IFT80: variants seen among roughly 807,000 people sequenced by gnomAD.
IFT80 encodes intraflagellar transport protein 80 homolog.
IFT80 carries 79 observed loss-of-function variants against 107.9 expected under a neutral mutation model. The observed-to-expected ratio is 0.73, with a 90% confidence interval of 0.61 to 0.88. IFT80 has a LOEUF of 0.88. Among genes scored for constraint, IFT80 ranks in the 40% least tolerant of loss-of-function variants. The pLI is 0.00. For missense variants in IFT80, 797 were observed against 914.2 expected, an observed-to-expected ratio of 0.87 and a Z score of 1.65; for synonymous variants, 299 against 300.9, an observed-to-expected ratio of 0.99 and a Z score of 0.07.
chr3:160,277,535 G>T (rs373292863), intron 17 of IFT80, 46 bp downstream of exon 17: 1 of 1,575,058 alleles, frequency 6.3e-7, no homozygotes, highest in African/African-American at 1.3e-5. Flanking sequence ...AATAAATTAC[G>T]CTAAGAAAAA....
intron 8 of IFT80, chr3:160,342,862 C>CAGG (rs1720017382): frequency 3.3e-5 from 5 of 152,408 alleles, no homozygotes; most frequent in Admixed American, 2.0e-4. Flanking sequence ...ATAGTGACTC[C>CAGG]TGGTGGCAAA....
intron 8 of IFT80, among the ~76,000 whole-genome samples, chr3:160,327,230 C>T (rs1053514989): frequency 9.2e-5 from 14 of 152,150 alleles, no homozygotes; most frequent in Middle Eastern, 6.8e-3. Flanking sequence ...GAATCAATAT[C>T]GTGAAAATGA....
chr3:160,398,220 AAATTCTTAC>A (rs1336551893), intron 1 of IFT80, among the ~76,000 whole-genome samples: 1 of 152,206 alleles, frequency 6.6e-6, no homozygotes, highest in African/African-American at 2.4e-5. Flanking sequence ...CAACCTCACC[AAATTCTTAC>A]AATTGGTTGG....
chr3:160,374,366 G>A (rs540978689), intron 5 of IFT80, among the ~76,000 whole-genome samples: 24 of 150,894 alleles, frequency 1.6e-4, no homozygotes, highest in Admixed American at 6.0e-4. Flanking sequence ...CCAAGATGGT[G>A]CCACTGTACT....
At chr3:160,378,911 T>C (rs768844227) in intron 3 of IFT80, among the ~76,000 whole-genome samples, 2 of 152,070 alleles carry the variant, frequency 1.3e-5, no homozygotes, top group Non-Finnish European at 2.9e-5. Flanking sequence ...ATCTTAGTAA[T>C]AAATGACTCA....
intron 3 of IFT80, among the ~76,000 whole-genome samples, chr3:160,379,343 A>C (rs1297595317): frequency 6.6e-6 from 1 of 152,242 alleles, no homozygotes; most frequent in Non-Finnish European, 1.5e-5. Context: ...CAGCAAAAAT[A>C]AACTTCTATG....
intron 12 of IFT80, among the ~76,000 whole-genome samples, chr3:160,288,160 T>C (rs368085331): frequency 6.6e-6 from 1 of 152,012 alleles, no homozygotes; most frequent in African/African-American, 2.4e-5. Flanking sequence ...CTGGCTACGA[T>C]GTCTCTACTA....
intron 13 of IFT80, among the ~76,000 whole-genome samples, chr3:160,285,327 T>C (rs1278361373): frequency 6.6e-6 from 1 of 152,248 alleles, no homozygotes; most frequent in Non-Finnish European, 1.5e-5. Flanking sequence ...TGTGCTTCTT[T>C]TTCTAAGGCT....
Position 160,377,476 on chromosome 3 carries a change from T to C in IFT80, c.324A>G (p.Ala108=), listed in dbSNP as rs2108396983. Residue 108 remains alanine, a synonymous_variant, in exon 4 of 20, where the codon GCA becomes GCG. Transcript: ENST00000326448. ...CATAATTCCATCTTCCTGCAAGTAC[T>C]GCTCCACAGTGAGCTTCTACACTTT... is the stretch of plus-strand genomic sequence containing the variant. ...VEKSVEAHCG[A]VLAGRWNYEG... is the part of the protein sequence containing the mutation. 6.2e-7 allele frequency: 1 copy of C among 1,611,508 alleles called. No homozygotes were observed. The highest frequency in any genetic ancestry group is 8.5e-7 in the Non-Finnish European group (1 of 1,177,994).
In IFT80 at chr3:160,348,198, T is replaced by C. The variant is rs150975877; in HGVS notation, c.777+7815A>G. On this transcript the variant is annotated intron_variant, in intron 8 of 19. Coordinates refer to ENST00000326448, the MANE Select transcript of IFT80 (RefSeq NM_020800.3). ...TTTATTGGCCATTTACATTTGTCTATGAACTATTCATGCTTTTTGGCTATT... is the reference window on the plus strand; with the variant it reads ...TTTATTGGCCATTTACATTTGTCTACGAACTATTCATGCTTTTTGGCTATT... Among the ~76,000 whole-genome samples the C allele has an allele frequency of 3.6e-3, 541 of 152,328 alleles. 2 individuals carry two copies. Among genetic ancestry groups the C allele is most frequent in the African/African-American group, 0.012 (507 of 41,576 alleles).
At chr3:160,339,706 G>T (rs894172666) in intron 8 of IFT80, among the ~76,000 whole-genome samples, 1 of 152,098 alleles carries the variant, frequency 6.6e-6, no homozygotes, top group Admixed American at 6.6e-5. Context: ...AGAAGAAAAT[G>T]GAAAAAGTAA....
chr3:160,294,368 G>A (rs906438795), intron 12 of IFT80, among the ~76,000 whole-genome samples: 25 of 152,192 alleles, frequency 1.6e-4, no homozygotes, highest in African/African-American at 4.8e-4. Flanking sequence ...GTACAGGGGC[G>A]TGCCACTATG....
intron 1 of IFT80, among the ~76,000 whole-genome samples, chr3:160,397,124 A>T (rs983968792): frequency 1.3e-5 from 2 of 152,162 alleles, no homozygotes; most frequent in Non-Finnish European, 2.9e-5. Context: ...AAGGGTTTAT[A>T]CTCTGAACCA....
chr3:160,279,994 T>C (rs1182178172), intron 15 of IFT80, among the ~76,000 whole-genome samples: 2 of 152,248 alleles, frequency 1.3e-5, no homozygotes, highest in Admixed American at 1.3e-4. Flanking sequence ...CCAAATACTT[T>C]TAAAAATACG....
chr3:160,370,238 G>A (rs1413014310), intron 5 of IFT80, among the ~76,000 whole-genome samples: 6 of 151,968 alleles, frequency 3.9e-5, no homozygotes, highest in Admixed American at 1.3e-4. Flanking sequence ...ATGCAGTATC[G>A]GTCTATATTG....
chr3:160,331,040 TTAGCAACCTCA>T (rs2108317030), intron 8 of IFT80, among the ~76,000 whole-genome samples: 1 of 152,334 alleles, frequency 6.6e-6, no homozygotes, highest in South Asian at 2.1e-4. Context: ...ACCATAGATG[TTAGCAACCTCA>T]GCCTACCATC....
intron 9 of IFT80, among the ~76,000 whole-genome samples, chr3:160,311,066 T>C (rs2108282262): frequency 6.6e-6 from 1 of 152,142 alleles, no homozygotes; most frequent in East Asian, 1.9e-4. Context: ...TCAAGACTAC[T>C]GTGAGCCATG....
intron 12 of IFT80, among the ~76,000 whole-genome samples, chr3:160,296,656 A>G (rs1716004765): frequency 6.6e-6 from 1 of 151,890 alleles, no homozygotes; most frequent in African/African-American, 2.4e-5. Context: ...AGTTTTTACA[A>G]CTCCTACCCA....
At chr3:160,313,767 G>A (rs1380020969) in intron 9 of IFT80, among the ~76,000 whole-genome samples, 1 of 151,918 alleles carries the variant, frequency 6.6e-6, no homozygotes, top group African/African-American at 2.4e-5. Context: ...AAGCCACCAC[G>A]CCCGGCTAAT....
Sources: allele counts gnomAD v4.1 joint callset (sites outside exome capture counted in the v4.1 genomes callset), GRCh38; gene constraint gnomAD v4.1.1; transcripts MANE v1.5; gene names NCBI Gene and HGNC (gene_info 2026-07-23, HGNC 2026-07-21).